Variants in DOCK9 observed in about 807,000 individuals in gnomAD.
DOCK9 encodes the protein dedicator of cytokinesis protein 9.
DOCK9 carries 89 observed loss-of-function variants against 263.3 expected under a neutral mutation model. That is an observed-to-expected ratio of 0.34 (90% CI 0.28 to 0.40). The LOEUF (loss-of-function observed/expected upper bound fraction) is 0.40, where lower values mean the gene tolerates loss of function less well. Ranked by LOEUF, DOCK9 falls within the 10% of genes least tolerant of loss-of-function variation. The pLI, the probability that DOCK9 is intolerant of heterozygous loss-of-function variation, is 1.00. For missense variants in DOCK9, 2,140 were observed against 2,603.4 expected (o/e 0.82, Z 3.87); for synonymous variants, 976 against 973.1 (o/e 1.00, Z -0.06).
intron 1 of DOCK9, among the ~76,000 whole-genome samples, chr13:99,030,594 G>A (rs77129585): frequency 0.012 from 1,808 of 152,284 alleles, 28 homozygotes; most frequent in African/African-American, 0.041. Flanking sequence ...TTTTTAAGTT[G>A]AGAAAATTCT....
Position 98,824,445 on chromosome 13 carries a change from C to A in DOCK9, c.5083G>T (p.Ala1695Ser). The change falls in exon 45 of 53, where the codon GCC becomes TCC. Residue 1695 changes from alanine to serine, a missense_variant. Ala to Ser is a moderately conservative substitution (Grantham distance 99, BLOSUM62 1). Around this residue, in one of 2 missense-constraint regions of DOCK9, gnomAD observed 619 missense variants for 861.8 expected, o/e 0.72. Coordinates refer to ENST00000682017, the MANE Select transcript of DOCK9 (RefSeq NM_001366683.2). Reference sequence around the variant, plus strand: ...ATCCCCACGTCTTCCATCATGGAGGCCTCCTCGTCGATGTTTGGGGTAATG... The same window carrying A: ...ATCCCCACGTCTTCCATCATGGAGGACTCCTCGTCGATGTTTGGGGTAATG... Reference protein sequence around the residue: ...RVITPNIDEEASMMEDVGMQD... With the variant: ...RVITPNIDEESSMMEDVGMQD... 3 of 1,613,906 alleles carry A rather than the reference C, an allele frequency of 1.9e-6. No homozygotes were observed. The highest frequency in any genetic ancestry group is 2.5e-6 in the Non-Finnish European group (3 of 1,179,810).
At chr13:98,911,149 A>G (rs1274878666) in intron 9 of DOCK9, among the ~76,000 whole-genome samples, 1 of 152,200 alleles carries the variant, frequency 6.6e-6, no homozygotes, top group Non-Finnish European at 1.5e-5. Context: ...TGAATAACTC[A>G]TCTCCATTTT....
chr13:98,922,843 C>G (rs533460833), intron 5 of DOCK9, among the ~76,000 whole-genome samples: 1 of 152,194 alleles, frequency 6.6e-6, no homozygotes, highest in South Asian at 2.1e-4. Flanking sequence ...ATGCCCTACT[C>G]CCTTTATATA....
chr13:98,873,328 G>A lies in DOCK9; in HGVS notation c.2944-4951C>T, dbSNP rs151022357. On this transcript the variant is annotated intron_variant, in intron 27 of 52. Coordinates refer to ENST00000682017, the MANE Select transcript of DOCK9 (RefSeq NM_001366683.2). ...TCTATTTCTTTAGTTCTGTCTGTTC[G>A]CTTCCCTGTCCCAGGCTGAACCTTC... 7.9e-4 allele frequency among the ~76,000 whole-genome samples: 121 copies of A among 152,268 alleles called. 1 individual carries two copies. Among genetic ancestry groups the A allele is most frequent in the African/African-American group, 2.7e-3 (111 of 41,544 alleles).
chr13:98,865,456 G>C (rs1289354062), intron 30 of DOCK9, among the ~76,000 whole-genome samples: 9 of 152,202 alleles, frequency 5.9e-5, no homozygotes, highest in African/African-American at 2.2e-4. Flanking sequence ...GAAGGCAGGG[G>C]TGGGAGGTAA....
At position 98,885,721 on chromosome 13, in the gene DOCK9, G is replaced by T. The variant is rs62637599; in HGVS notation, c.2247C>A (p.Val749=). 5.0e-6 allele frequency: 8 copies of T among 1,610,866 alleles called. No individual in the cohort carries two copies. In the African/African-American group the frequency reaches 5.3e-5, roughly 11 times the overall value. Reference sequence around the variant, plus strand: ...AGCCCCCCCAACCTTGGGTTTCAACGACATCCCTCTTCTTCGTGCTTCCTT... The same window carrying T: ...AGCCCCCCCAACCTTGGGTTTCAACTACATCCCTCTTCTTCGTGCTTCCTT... ...SSKGSTKKRD[V]VETQVGYSWL... Residue 749 remains valine, a synonymous_variant, in exon 20 of 53, where the codon GTC becomes GTA. Coordinates refer to ENST00000682017, the MANE Select transcript of DOCK9 (RefSeq NM_001366683.2).
chr13:98,941,578 A>C (rs534493542), intron 2 of DOCK9, among the ~76,000 whole-genome samples: 2 of 152,346 alleles, frequency 1.3e-5, no homozygotes, highest in East Asian at 3.9e-4. Flanking sequence ...AAAGAATTAT[A>C]TATTTTTTTG....
intron 2 of DOCK9, among the ~76,000 whole-genome samples, chr13:98,954,863 TACACACACACACACAC>T (rs71719426): frequency 6.8e-6 from 1 of 146,476 alleles, no homozygotes; most frequent in South Asian, 2.2e-4. Flanking sequence ...TTATTCAAGA[TACACACACACACACAC>T]ACACACACAC....
Position 98,862,915 on chromosome 13 carries a change from A to G in DOCK9, c.3579+104T>C, listed in dbSNP as rs2093915994. Reference sequence around the variant, plus strand: ...TTGGACTTCTGGACTCCTGACTGGGAGAGAATAAACTGCTGCTGCTCTAAG... The same window carrying G: ...TTGGACTTCTGGACTCCTGACTGGGGGAGAATAAACTGCTGCTGCTCTAAG... On this transcript the variant is annotated intron_variant, in intron 32 of 52. Coordinates refer to ENST00000682017, the MANE Select transcript of DOCK9 (RefSeq NM_001366683.2). 2.0e-5 allele frequency: 19 copies of G among 938,314 alleles called. 1 individual carries two copies. In the South Asian group the frequency reaches 2.9e-4, roughly 14 times the overall value. The allele number at this position is 938,314 out of a possible 1,614,324, so 58.1% of individuals were successfully genotyped here. A position where few individuals can be genotyped will look rare whatever the true frequency, so the allele number is the denominator to read the frequency against.
At chr13:98,940,726 C>G (rs4772162) in intron 2 of DOCK9, among the ~76,000 whole-genome samples, 28,077 of 152,008 alleles carry the variant, frequency 0.18, 3,074 homozygotes, top group East Asian at 0.26. Context: ...CCTGCATGGT[C>G]CCCCATTTCT....
chr13:98,860,590 G>A, intron 32 of DOCK9, 68 bp from the exon 33 acceptor site: 1 of 1,448,490 alleles, frequency 6.9e-7, no homozygotes, highest in Admixed American at 2.2e-5. Context: ...GTTCTTGGAA[G>A]TGCCAGGGCA....
rs2091088787 is a variant in DOCK9, at chr13:98,809,479, CA to C, written c.5254-15del. The C allele has an allele frequency of 6.4e-7, 1 of 1,572,738 alleles. No homozygotes were observed. Among genetic ancestry groups the C allele is most frequent in the Non-Finnish European group, 8.6e-7 (1 of 1,161,146 alleles). On this transcript the variant is annotated splice_polypyrimidine_tract_variant and intron_variant, in intron 46 of 52. Coordinates refer to ENST00000682017, the MANE Select transcript of DOCK9 (RefSeq NM_001366683.2). ...ATGGGCCAGCCTCTGGAAAGCAGAACAAAGCCCATTTCTTCCCATGTGCAAA... is the reference window on the plus strand; with the variant it reads ...ATGGGCCAGCCTCTGGAAAGCAGAACAAGCCCATTTCTTCCCATGTGCAAA...
At chr13:98,885,481 T>C in intron 20 of DOCK9, 1 of 512,502 alleles carries the variant, frequency 2.0e-6, no homozygotes, top group Non-Finnish European at 3.4e-6. Flanking sequence ...GGTGCGTGCC[T>C]GTAGTCCCAG....
intron 1 of DOCK9, among the ~76,000 whole-genome samples, chr13:99,040,392 C>G (rs1040465623): frequency 1.3e-5 from 2 of 152,016 alleles, no homozygotes; most frequent in Non-Finnish European, 1.5e-5. Flanking sequence ...TCTATCAATA[C>G]TGTTAAGACC....
At chr13:98,799,734 G>A (rs79212024) in intron 50 of DOCK9, among the ~76,000 whole-genome samples, 4,118 of 152,246 alleles carry the variant, frequency 0.027, 69 homozygotes, top group South Asian at 0.065. Flanking sequence ...TGTGGATGCT[G>A]AGCAAAGGAG....
Position 98,807,785 on chromosome 13 carries a change from CCATCTT to C in DOCK9, c.5384_5389del (p.Glu1795_Asp1796del). The C allele has an allele frequency of 6.2e-7, 1 of 1,611,234 alleles. No homozygotes were observed. Among genetic ancestry groups the C allele is most frequent in the Non-Finnish European group, 8.5e-7 (1 of 1,178,154 alleles). On this transcript the variant is annotated inframe_deletion, in exon 48 of 53. Coordinates refer to ENST00000682017, the MANE Select transcript of DOCK9 (RefSeq NM_001366683.2). ...GGGTTCCTTGTAAATATACTCCTTT[CCATCTT>C]CATCTTCAAAGAATCCCTGTGACAT...
chr13:98,974,867 G>A (rs182954685), intron 1 of DOCK9, among the ~76,000 whole-genome samples: 148 of 151,578 alleles, frequency 9.8e-4, no homozygotes, highest in African/African-American at 3.5e-3. Context: ...CCTTCAAAGC[G>A]GCCCTGGCAG....
chr13:98,897,726 A>G, intron 14 of DOCK9, 116 bp from the exon 15 acceptor site: 1 of 1,373,058 alleles, frequency 7.3e-7, no homozygotes, highest in Non-Finnish European at 9.9e-7. Flanking sequence ...TATAGCCAAC[A>G]GAAATCTCAT....
intron 1 of DOCK9, among the ~76,000 whole-genome samples, chr13:98,993,800 G>A (rs1203002070): frequency 7.3e-6 from 1 of 137,906 alleles, no homozygotes; most frequent in East Asian, 2.2e-4. Context: ...ATAAATAAAA[G>A]TTTTGGTTTT....
Sources: allele counts gnomAD v4.1 joint callset (sites outside exome capture counted in the v4.1 genomes callset), GRCh38; gene constraint gnomAD v4.1.1; regional missense constraint gnomAD v4.1.1; transcripts MANE v1.5; gene names NCBI Gene and HGNC (gene_info 2026-07-23, HGNC 2026-07-21).